The following SMYD4 variants were observed in gnomAD, a reference collection of about 807,000 sequenced individuals.
SMYD4 encodes the protein protein-lysine N-methyltransferase SMYD4.
Under a neutral mutation model 72.8 loss-of-function variants are expected in SMYD4, and 68 were observed. The ratio of observed to expected loss-of-function variants is 0.93; its 90% confidence interval spans 0.77 to 1.14. The LOEUF is 1.14. Among genes scored for constraint, SMYD4 ranks in the 50% most tolerant of loss-of-function variants. The pLI, the probability that SMYD4 is intolerant of heterozygous loss-of-function variation, is 0.00. For missense variants in SMYD4, 984 were observed against 1,003.7 expected (o/e 0.98, Z 0.27); for synonymous variants, 407 against 388.6 (o/e 1.05, Z -0.56).
chr17:1,828,310 C>T (rs1451000272), intron 1 of SMYD4, among the ~76,000 whole-genome samples: 3 of 149,906 alleles, frequency 2.0e-5, no homozygotes, highest in Non-Finnish European at 3.0e-5. Flanking sequence ...GAGATCACGC[C>T]ATTGCACTCC....
chr17:1,791,151 C>T (rs1909009960), intron 5 of SMYD4, among the ~76,000 whole-genome samples: 1 of 146,684 alleles, frequency 6.8e-6, no homozygotes, highest in African/African-American at 2.5e-5. Context: ...TAGATTCCTT[C>T]AATGCTGAAG....
At chr17:1,792,207 T>A (rs894702647) in intron 5 of SMYD4, among the ~76,000 whole-genome samples, 1 of 151,888 alleles carries the variant, frequency 6.6e-6, no homozygotes, top group Non-Finnish European at 1.5e-5. Context: ...CACGCCCGGC[T>A]AATTTTTTGT....
At chr17:1,784,583 A>C in intron 7 of SMYD4, 122 bp from the exon 8 acceptor site, 2 of 1,492,050 alleles carry the variant, frequency 1.3e-6, no homozygotes, top group Admixed American at 4.7e-5. Context: ...TCCTGTAACA[A>C]TACATCGTGA....
chr17:1,804,810 G>C (rs540988808), intron 3 of SMYD4, 95 bp from the exon 4 acceptor site: 28 of 1,221,114 alleles, frequency 2.3e-5, no homozygotes, highest in Non-Finnish European at 2.9e-5. Flanking sequence ...TGAAGACTGT[G>C]TGAAACTGGG....
chr17:1,786,747 G>A, intron 7 of SMYD4, 63 bp downstream of exon 7: 2 of 1,599,276 alleles, frequency 1.3e-6, no homozygotes, highest in Admixed American at 3.4e-5. Context: ...CCTAAACACT[G>A]ATCACCCTTG....
chr17:1,812,879 T>C (rs1357271842), intron 2 of SMYD4, among the ~76,000 whole-genome samples: 1 of 151,974 alleles, frequency 6.6e-6, no homozygotes, highest in African/African-American at 2.4e-5. Context: ...TGAAGGCTAA[T>C]TTTTTATTCT....
At chr17:1,785,160 C>T (rs113129739) in intron 7 of SMYD4, among the ~76,000 whole-genome samples, 2,383 of 149,624 alleles carry the variant, frequency 0.016, 62 homozygotes, top group African/African-American at 0.055. Flanking sequence ...CGGTGGCTCA[C>T]GCCTGTAATC....
chr17:1,794,105 A>ATATATATATATATATATATT (rs1291818005), intron 5 of SMYD4, among the ~76,000 whole-genome samples: 1 of 12,982 alleles, frequency 7.7e-5, no homozygotes. Context: ...ATATATATAT[A>ATATATATATATATATATATT]TTTTTTTTTT....
chr17:1,812,240 A>C (rs917352738), intron 2 of SMYD4, 125 bp from the exon 3 acceptor site: 10 of 1,099,580 alleles, frequency 9.1e-6, no homozygotes, highest in Non-Finnish European at 1.3e-5. Flanking sequence ...GGATATGTAC[A>C]TTGTGCAATG....
intron 2 of SMYD4, among the ~76,000 whole-genome samples, chr17:1,825,670 C>T (rs1911132014): frequency 6.6e-6 from 1 of 152,018 alleles, no homozygotes; most frequent in Non-Finnish European, 1.5e-5. Context: ...TGCCACCATG[C>T]TTGGCTAATT....
chr17:1,824,677 T>G (rs1418631131), intron 2 of SMYD4, among the ~76,000 whole-genome samples: 2 of 152,150 alleles, frequency 1.3e-5, no homozygotes, highest in African/African-American at 4.8e-5. Context: ...TGGAGAGCAG[T>G]GGCACAATCT....
chr17:1,828,372 A>G (rs1341924253), intron 1 of SMYD4, among the ~76,000 whole-genome samples: 1 of 151,668 alleles, frequency 6.6e-6, no homozygotes. Flanking sequence ...AAAAAGGAAA[A>G]TCAAGATTTC....
chr17:1,800,250 G>A lies in SMYD4; in HGVS notation c.1144C>T (p.Pro382Ser). Residue 382 changes from proline to serine, a missense_variant, in exon 5 of 11, where the codon CCT (proline) becomes TCT (serine). Transcript: ENST00000305513. ...DKISNKDICL[P>S]ESNNQVKTLN... ...GTCTTGACCTGATTGTTGCTTTCAG[G>A]TAAACAGATGTCCTTGTTACTAATC... 4 of 1,614,106 alleles carry A rather than the reference G, an allele frequency of 2.5e-6. No individual in the cohort carries two copies. In the East Asian group the frequency reaches 6.7e-5, roughly 27 times the overall value.
chr17:1,804,702 G>C lies in SMYD4; in HGVS notation c.293C>G (p.Ser98Ter). ...AVLYSKGVSH[S>*]RPNTEDMSLC... Reference sequence around the variant, plus strand: ...TGACATGTCCTCAGTGTTAGGCCTTGAATGTGACACTCCCTGCAAAACAAT... The same window carrying C: ...TGACATGTCCTCAGTGTTAGGCCTTCAATGTGACACTCCCTGCAAAACAAT... Residue 98 changes from serine to a stop codon, truncating the protein, a stop_gained, in exon 4 of 11, where the codon TCA (serine) becomes TGA (stop). Coordinates refer to ENST00000305513, the MANE Select transcript of SMYD4 (RefSeq NM_052928.3). LOFTEE classifies it high-confidence loss of function. 1.2e-6 allele frequency: 2 copies of C among 1,613,404 alleles called. No individual in the cohort carries two copies. The highest frequency in any genetic ancestry group is 1.7e-6 in the Non-Finnish European group (2 of 1,179,558).
chr17:1,804,954 T>C (rs1909958975), intron 3 of SMYD4, among the ~76,000 whole-genome samples: 1 of 152,110 alleles, frequency 6.6e-6, no homozygotes, highest in Non-Finnish European at 1.5e-5. Flanking sequence ...ATACTGAAGG[T>C]GGATAAAAAA....
intron 10 of SMYD4, 156 bp downstream of exon 10, chr17:1,782,879 T>G: frequency 8.2e-7 from 1 of 1,212,536 alleles, no homozygotes; most frequent in Non-Finnish European, 1.1e-6. Context: ...TTCTAAAGCG[T>G]TATGTTTGTT....
At chr17:1,818,046 CAAAAAA>C (rs540448588) in intron 2 of SMYD4, among the ~76,000 whole-genome samples, 16 of 103,266 alleles carry the variant, frequency 1.5e-4, no homozygotes, top group Admixed American at 3.4e-4. Flanking sequence ...GACTCTGTCT[CAAAAAA>C]AAAAAAAAAA....
chr17:1,796,299 G>GTT lies in SMYD4; in HGVS notation c.1537+3556_1537+3557dup, dbSNP rs35650939. Among the ~76,000 whole-genome samples the GTT allele has an allele frequency of 4.8e-4, 53 of 109,552 alleles. 4 individuals are homozygous for GTT. The highest frequency in any genetic ancestry group is 1.0e-3 in the East Asian group (4 of 3,886). The allele number at this position is 109,552 out of a possible 152,430, so 71.9% of individuals were successfully genotyped here. Reference sequence around the variant, plus strand: ...CAGGCACATGCCACCATGCCTGGCTGTTTTTTTTTTTTTTTTTTGTAGAGA... The same window carrying GTT: ...CAGGCACATGCCACCATGCCTGGCTGTTTTTTTTTTTTTTTTTTTTGTAGAGA... On this transcript the variant is annotated intron_variant, in intron 5 of 10. Transcript: ENST00000305513.
chr17:1,817,273 A>G (rs1029340274), intron 2 of SMYD4, among the ~76,000 whole-genome samples: 1 of 152,028 alleles, frequency 6.6e-6, no homozygotes, highest in Non-Finnish European at 1.5e-5. Context: ...CCAGGCCTCA[A>G]CTGATTTGCC....
Sources: allele counts gnomAD v4.1 joint callset (sites outside exome capture counted in the v4.1 genomes callset), GRCh38; gene constraint gnomAD v4.1.1; transcripts MANE v1.5; gene names NCBI Gene and HGNC (gene_info 2026-07-23, HGNC 2026-07-21).